Variants in GRIN2A observed in about 807,000 individuals in gnomAD.
GRIN2A encodes glutamate ionotropic receptor NMDA type subunit 2A.
In GRIN2A, 22 loss-of-function variants were observed where a neutral mutation model predicts 113.4. The observed-to-expected ratio is 0.19, with a 90% CI of 0.14 to 0.28. The LOEUF is 0.28. Among genes scored for constraint, GRIN2A ranks in the 10% least tolerant of loss-of-function variants. The probability of loss-of-function intolerance (pLI) is 1.00; values close to 1 mark genes in which losing one functional copy is unlikely to be tolerated. For synonymous variants in GRIN2A, 827 were observed against 738.4 expected (o/e 1.12, Z -1.94); for missense variants, 1,502 against 1,887.0 (o/e 0.80, Z 3.78).
At chr16:10,098,334 A>G (rs1389421959) in intron 2 of GRIN2A, among the ~76,000 whole-genome samples, 1 of 152,220 alleles carries the variant, frequency 6.6e-6, no homozygotes, top group Non-Finnish European at 1.5e-5. Flanking sequence ...GTGAAAAGGA[A>G]ACACTTCCGC....
intron 2 of GRIN2A, among the ~76,000 whole-genome samples, chr16:9,994,498 T>G (rs187891921): frequency 6.6e-6 from 1 of 152,304 alleles, no homozygotes; most frequent in East Asian, 1.9e-4. Context: ...CCCTGAGGAT[T>G]GACGTCCCCG....
At chr16:9,846,712 G>T (rs532854200) in intron 5 of GRIN2A, among the ~76,000 whole-genome samples, 4 of 152,154 alleles carry the variant, frequency 2.6e-5, no homozygotes, top group Admixed American at 1.3e-4. Flanking sequence ...ATACACCCAG[G>T]TACTGTGGAA....
chr16:9,840,508 T>C, intron 7 of GRIN2A, 139 bp downstream of exon 7: 1 of 822,694 alleles, frequency 1.2e-6, no homozygotes, highest in Non-Finnish European at 2.1e-6. Flanking sequence ...ATAGGATAAT[T>C]CAAATGCAGC....
intron 11 of GRIN2A, among the ~76,000 whole-genome samples, chr16:9,796,058 G>A (rs1902962958): frequency 6.6e-6 from 1 of 152,150 alleles, no homozygotes; most frequent in African/African-American, 2.4e-5. Flanking sequence ...ATAAGGTTAC[G>A]AAGATTACAT....
chr16:9,928,165 G>A (rs997034758), intron 3 of GRIN2A, among the ~76,000 whole-genome samples: 1 of 152,188 alleles, frequency 6.6e-6, no homozygotes, highest in African/African-American at 2.4e-5. Flanking sequence ...CTGGACGGGG[G>A]CTCATTCACA....
chr16:9,948,685 C>A (rs988333620), intron 2 of GRIN2A, among the ~76,000 whole-genome samples: 1 of 152,202 alleles, frequency 6.6e-6, no homozygotes, highest in African/African-American at 2.4e-5. Flanking sequence ...TGAGTCAGAA[C>A]ATACTGCATG....
chr16:9,936,609 A>G (rs2044718853), intron 3 of GRIN2A, among the ~76,000 whole-genome samples: 1 of 152,226 alleles, frequency 6.6e-6, no homozygotes. Context: ...GCCACAAGGA[A>G]CAATGACACT....
chr16:10,008,734 T>C (rs542521323), intron 2 of GRIN2A, among the ~76,000 whole-genome samples: 5 of 152,302 alleles, frequency 3.3e-5, no homozygotes, highest in Admixed American at 6.5e-5. Flanking sequence ...CAGAAGGGAA[T>C]TGGTCACATC....
intron 2 of GRIN2A, among the ~76,000 whole-genome samples, chr16:10,154,470 T>A (rs1302869502): frequency 6.6e-6 from 1 of 152,202 alleles, no homozygotes; most frequent in Admixed American, 6.5e-5. Context: ...GTTTATATTT[T>A]GTCCCCATCC....
At position 9,923,765 on chromosome 16, in the gene GRIN2A, C is replaced by T. The variant is rs564233068; in HGVS notation, c.1007+14194G>A. ...TTTACTTTTAACAACCTATTAACCTCATGCTACATTGTTAGTATTTTTGTT... is the reference window on the plus strand; with the variant it reads ...TTTACTTTTAACAACCTATTAACCTTATGCTACATTGTTAGTATTTTTGTT... On this transcript the variant is annotated intron_variant, in intron 3 of 12. Transcript: ENST00000330684. Among the ~76,000 whole-genome samples the T allele has an allele frequency of 3.9e-4, 59 of 152,248 alleles. 2 individuals carry two copies. The highest frequency in any genetic ancestry group is 1.3e-3 in the African/African-American group (55 of 41,546).
At chr16:9,767,595 CACAA>C (rs571942297) in intron 12 of GRIN2A, among the ~76,000 whole-genome samples, 22 of 149,852 alleles carry the variant, frequency 1.5e-4, no homozygotes, top group South Asian at 6.3e-4. Context: ...CAAAAAAAAA[CACAA>C]ACAAAACAAA....
chr16:9,849,969 A>C lies in GRIN2A; in HGVS notation c.1123-8T>G. 6.2e-7 allele frequency: 1 copy of C among 1,611,590 alleles called. No homozygotes were observed. Among genetic ancestry groups the C allele is most frequent in the Non-Finnish European group, 8.5e-7 (1 of 1,177,874 alleles). ...GTTCTCCCACTTGCCCACCTGCAGC[A>C]CAAACACAAAGACACAGCTGTGCTT... On this transcript the variant is annotated splice_region_variant and splice_polypyrimidine_tract_variant and intron_variant, in intron 4 of 12. Transcript: ENST00000330684.
At chr16:9,782,303 T>A (rs186091346) in intron 11 of GRIN2A, among the ~76,000 whole-genome samples, 2 of 152,334 alleles carry the variant, frequency 1.3e-5, no homozygotes, top group Admixed American at 1.3e-4. Context: ...TGATTTAAAG[T>A]ATAAGATGTG....
intron 2 of GRIN2A, among the ~76,000 whole-genome samples, chr16:10,004,032 C>G (rs752032941): frequency 6.6e-6 from 1 of 151,954 alleles, no homozygotes; most frequent in African/African-American, 2.4e-5. Context: ...TCACTATTAC[C>G]CATGAAAGGG....
At chr16:10,005,580 C>G (rs979881449) in intron 2 of GRIN2A, among the ~76,000 whole-genome samples, 1 of 152,156 alleles carries the variant, frequency 6.6e-6, no homozygotes, top group African/African-American at 2.4e-5. Flanking sequence ...AGATATTACT[C>G]ACTTCCATCT....
intron 4 of GRIN2A, among the ~76,000 whole-genome samples, chr16:9,881,379 A>C (rs7203349): frequency 0.27 from 41,413 of 152,102 alleles, 6,268 homozygotes; most frequent in African/African-American, 0.4. Flanking sequence ...ACCTAAATAA[A>C]ACCATTTCAG....
intron 10 of GRIN2A, among the ~76,000 whole-genome samples, chr16:9,817,690 CAGCT>C (rs1257426010): frequency 6.6e-6 from 1 of 152,234 alleles, no homozygotes; most frequent in Non-Finnish European, 1.5e-5. Context: ...GACTCAAACC[CAGCT>C]GGGACTGTCA....
chr16:9,768,991 C>T lies in GRIN2A; in HGVS notation c.2455G>A (p.Gly819Ser), dbSNP rs1901093215. The change falls in exon 12 of 13, where the codon GGC becomes AGC. Residue 819 changes from glycine to serine, a missense_variant. By Grantham distance (56) the Gly-to-Ser change is moderately conservative. This residue lies in a region of GRIN2A where 101 missense variants were observed against 240.4 expected (regional missense o/e 0.42). Transcript: ENST00000330684. ...SSQLDIDNMA[G>S]VFYMLAAAMA... Reference sequence around the variant, plus strand: ...GCGGCAGCCAGCATGTAGAATACGCCCGCCATGTTGTCAATGTCCAGCTGG... The same window carrying T: ...GCGGCAGCCAGCATGTAGAATACGCTCGCCATGTTGTCAATGTCCAGCTGG... 6.2e-7 allele frequency: 1 copy of T among 1,614,022 alleles called. No homozygotes were observed. Among genetic ancestry groups the T allele is most frequent in the Non-Finnish European group, 8.5e-7 (1 of 1,180,002 alleles).
intron 3 of GRIN2A, among the ~76,000 whole-genome samples, chr16:9,910,606 C>T (rs541449984): frequency 7.0e-6 from 1 of 143,348 alleles, no homozygotes; most frequent in Admixed American, 7.3e-5. Flanking sequence ...GGTGCGATCT[C>T]GGCTCACTGC....
Sources: gnomAD v4.1 joint callset for allele counts (sites outside exome capture counted in the v4.1 genomes callset) on GRCh38, gnomAD v4.1.1 for gene constraint, gnomAD v4.1.1 regional missense constraint, MANE v1.5 for transcripts, NCBI Gene and HGNC (gene_info 2026-07-23, HGNC 2026-07-21) for gene names.